MORC2: variants seen among roughly 807,000 people sequenced by gnomAD.
MORC2 encodes the protein MORC family CW-type zinc finger 2.
MORC2 carries 30 observed loss-of-function variants against 136.0 expected under a neutral mutation model. The observed-to-expected ratio is 0.22, with a 90% CI of 0.17 to 0.30. MORC2 has a LOEUF of 0.30. Among genes scored for constraint, MORC2 ranks in the 10% least tolerant of loss-of-function variants. MORC2 has a pLI of 1.00. For synonymous variants in MORC2, 439 were observed against 487.0 expected, an observed-to-expected ratio of 0.90 and a Z score of 1.30; for missense variants, 922 against 1,333.1, an observed-to-expected ratio of 0.69 and a Z score of 4.80.
At chr22:30,964,710 C>A (rs2041099238) in intron 1 of MORC2, among the ~76,000 whole-genome samples, 1 of 152,148 alleles carries the variant, frequency 6.6e-6, no homozygotes, top group Non-Finnish European at 1.5e-5. Context: ...ATTTATTTCC[C>A]AGGCCTGCTG....
At position 30,940,053 on chromosome 22, in the gene MORC2, A is replaced by G; in HGVS notation, c.905-12T>C. ...CGCCTTCTCTTCAGCTGAAACCCAG[A>G]AGAGAACATGGTAAGAAATGCAAAG... is the stretch of plus-strand genomic sequence containing the variant. On this transcript the variant is annotated splice_polypyrimidine_tract_variant and intron_variant, in intron 10 of 25. Coordinates refer to ENST00000397641, the MANE Select transcript of MORC2 (RefSeq NM_001303256.3). 1 of 1,612,882 alleles carries G rather than the reference A, an allele frequency of 6.2e-7. No homozygotes were observed. Among genetic ancestry groups the G allele is most frequent in the Non-Finnish European group, 8.5e-7 (1 of 1,179,816 alleles).
chr22:30,962,594 C>CAAA (rs11317522), intron 1 of MORC2, among the ~76,000 whole-genome samples: 2 of 117,270 alleles, frequency 1.7e-5, no homozygotes, highest in Non-Finnish European at 3.7e-5. Flanking sequence ...GACCCTGTCT[C>CAAA]AAAAAAAAAA....
chr22:30,956,868 G>C lies in MORC2; in HGVS notation c.123-71C>G, dbSNP rs17219880. ...CAACCATCAAAATGCATAGTGATTT[G>C]AGTAGAATGCAGAGTATTTTGAGTC... On this transcript the variant is annotated intron_variant, in intron 2 of 25. Transcript: ENST00000397641. 5.2e-3 allele frequency: 6,395 copies of C among 1,229,260 alleles called. 140 individuals carry two copies. In the East Asian group the frequency reaches 0.055, roughly 11 times the overall value. 76.1% of individuals were successfully genotyped at this position (1,229,260 alleles called of 1,614,324 possible).
chr22:30,939,898 T>G (rs996091667), intron 11 of MORC2, 61 bp downstream of exon 11: 2 of 1,546,800 alleles, frequency 1.3e-6, no homozygotes, highest in Non-Finnish European at 1.8e-6. Flanking sequence ...ACCAGGCTCA[T>G]GGGACATGGG....
At chr22:30,940,483 G>A (rs975683037) in intron 10 of MORC2, among the ~76,000 whole-genome samples, 1 of 152,134 alleles carries the variant, frequency 6.6e-6, no homozygotes, top group African/African-American at 2.4e-5. Context: ...TTGCACCAGA[G>A]AACTCAGTGG....
At chr22:30,943,734 TTTTTA>T (rs1202671505) in intron 6 of MORC2, among the ~76,000 whole-genome samples, 1 of 152,220 alleles carries the variant, frequency 6.6e-6, no homozygotes, top group African/African-American at 2.4e-5. Context: ...TTGCTGGGTT[TTTTTA>T]TTTTATTTTT....
At chr22:30,955,386 C>T (rs879077449) in intron 3 of MORC2, among the ~76,000 whole-genome samples, 16 of 152,166 alleles carry the variant, frequency 1.1e-4, no homozygotes, top group Admixed American at 3.9e-4. Context: ...GAACAAAAGG[C>T]TTTCAGAATT....
Position 30,928,090 on chromosome 22 carries a change from G to T in MORC2, c.2959C>A (p.Leu987Ile). ...TGCAGCTTCTCCTCCGTCTCGCGGAGCTTCCTCTCGGAGGTGCGCAGGCTT... is the reference window on the plus strand; with the variant it reads ...TGCAGCTTCTCCTCCGTCTCGCGGATCTTCCTCTCGGAGGTGCGCAGGCTT... Reference protein sequence around the residue: ...EESLRTSERKLRETEEKLQKL... With the variant: ...EESLRTSERKIRETEEKLQKL... Residue 987 changes from leucine (L) to isoleucine (I), a missense_variant, in exon 25 of 26, where the codon CTC becomes ATC. By Grantham distance (5) the Leu-to-Ile change is conservative. This residue lies in a region of MORC2 where 263 missense variants were observed against 388.3 expected (regional missense o/e 0.68). Coordinates refer to ENST00000397641, the MANE Select transcript of MORC2 (RefSeq NM_001303256.3). 1 of 1,614,154 alleles carries T rather than the reference G, an allele frequency of 6.2e-7. No individual in the cohort carries two copies. Among genetic ancestry groups the T allele is most frequent in the Non-Finnish European group, 8.5e-7 (1 of 1,180,032 alleles).
rs1250360453 is a variant in MORC2 at position 30,926,232 on chromosome 22, TTGGACGCCACAGCCAG to T, written c.*555_*570del. ...ACAGGATCTTTTTCCCTCAAGCTGT[TTGGACGCCACAGCCAG>T]GACCAACTCTGACAGCTGCGAGAGA... On this transcript the variant is annotated 3_prime_UTR_variant, in exon 26 of 26. Coordinates refer to ENST00000397641, the MANE Select transcript of MORC2 (RefSeq NM_001303256.3). 1 of 152,208 alleles carries T rather than the reference TTGGACGCCACAGCCAG, an allele frequency of 6.6e-6. No homozygotes were observed. The highest frequency in any genetic ancestry group is 1.5e-5 in the Non-Finnish European group (1 of 68,110). 9.4% of individuals were successfully genotyped at this position (152,208 alleles called of 1,614,324 possible).
chr22:30,934,250 A>G lies in MORC2; in HGVS notation c.2194-59T>C. The stretch of plus-strand genomic sequence containing the variant: ...CCTGTTCAGCCTCTAAGGAGCAGGA[A>G]GATTTCATCTAGCCTAAAGGAGTCG... On this transcript the variant is annotated intron_variant, in intron 19 of 25. Coordinates refer to ENST00000397641, the MANE Select transcript of MORC2 (RefSeq NM_001303256.3). This position sits in a 1 kb window ranked among gnomAD's most constrained non-coding sequence, Gnocchi z 4.4. 6.2e-7 allele frequency: 1 copy of G among 1,608,986 alleles called. No homozygotes were observed. The highest frequency in any genetic ancestry group is 8.5e-7 in the Non-Finnish European group (1 of 1,177,152).
At chr22:30,942,039 C>A in intron 7 of MORC2, 37 bp from the exon 8 acceptor site, 4 of 1,609,212 alleles carry the variant, frequency 2.5e-6, no homozygotes, top group Non-Finnish European at 3.4e-6. Flanking sequence ...CCAGATCCCC[C>A]GGCCCACCCC....
Position 30,968,073 on chromosome 22 carries a change from G to A in MORC2, c.-184C>T. 2 of 550,494 alleles carry A rather than the reference G, an allele frequency of 3.6e-6. No individual in the cohort carries two copies. The highest frequency in any genetic ancestry group is 6.5e-6 in the Non-Finnish European group (2 of 308,978). 34.1% of individuals were successfully genotyped at this position (550,494 alleles called of 1,614,324 possible). ...ATGTTTAAAACTACAATTTCTTCAAGTGTTTTTTTTTAATCTTCTCAATGA... is the reference window on the plus strand; with the variant it reads ...ATGTTTAAAACTACAATTTCTTCAAATGTTTTTTTTTAATCTTCTCAATGA... On this transcript the variant is annotated 5_prime_UTR_variant, in exon 1 of 26. Coordinates refer to ENST00000397641, the MANE Select transcript of MORC2 (RefSeq NM_001303256.3).
At chr22:30,966,535 G>C (rs1313649287) in intron 1 of MORC2, among the ~76,000 whole-genome samples, 1 of 152,164 alleles carries the variant, frequency 6.6e-6, no homozygotes, top group South Asian at 2.1e-4. Context: ...AGCACTTTGG[G>C]AGGCCAAGGT....
intron 5 of MORC2, 78 bp downstream of exon 5, chr22:30,949,673 GA>G: frequency 1.7e-6 from 2 of 1,210,466 alleles, no homozygotes; most frequent in Non-Finnish European, 2.4e-6. Context: ...CAAGGAGAAG[GA>G]AAGTTTTCAT....
At chr22:30,938,858 C>T (rs886441009) in intron 12 of MORC2, among the ~76,000 whole-genome samples, 12 of 152,292 alleles carry the variant, frequency 7.9e-5, no homozygotes, top group Middle Eastern at 3.4e-3. Flanking sequence ...CGTGAGCCAC[C>T]GTGCCCGGCC....
chr22:30,933,073 A>C, intron 21 of MORC2, 43 bp from the exon 22 acceptor site: 1 of 1,609,072 alleles, frequency 6.2e-7, no homozygotes, highest in Non-Finnish European at 8.5e-7. Flanking sequence ...ACTAGCGTAG[A>C]GTCCCTCACT....
intron 16 of MORC2, 86 bp downstream of exon 16, chr22:30,936,846 T>A (rs1190204042): frequency 7.3e-7 from 1 of 1,365,064 alleles, no homozygotes; most frequent in Admixed American, 1.9e-5. Flanking sequence ...GACAGAGATG[T>A]AAGGTATGTG....
rs1482767240 is a variant in MORC2, at chr22:30,934,655, G to A, written c.2193+126C>T. 7.4e-7 allele frequency: 1 copy of A among 1,352,108 alleles called. No individual in the cohort carries two copies. The highest frequency in any genetic ancestry group is 1.0e-6 in the Non-Finnish European group (1 of 990,396). 83.8% of individuals were successfully genotyped at this position (1,352,108 alleles called of 1,614,324 possible). The stretch of plus-strand genomic sequence containing the variant: ...AGCTATCAAGGCTTCCCGTCCTCAG[G>A]GGCAGCAGCAAAGCTTTAGATTCAG... On this transcript the variant is annotated intron_variant, in intron 19 of 25. Coordinates refer to ENST00000397641, the MANE Select transcript of MORC2 (RefSeq NM_001303256.3). The surrounding 1 kb of genome is among the most constrained non-coding windows in gnomAD (Gnocchi z 4.4).
At position 30,932,227 on chromosome 22, in the gene MORC2, T is replaced by C. The variant is rs2040586130; in HGVS notation, c.2841+132A>G. ...TTCTTTCAGCAGGAGAGAGGCTGGC[T>C]GAGATGGAGCACACAGCTGAGAGCT... is the stretch of plus-strand genomic sequence containing the variant. On this transcript the variant is annotated intron_variant, in intron 24 of 25. Transcript: ENST00000397641. The surrounding 1 kb of genome is among the most constrained non-coding windows in gnomAD (Gnocchi z 4.4). 2.4e-6 allele frequency: 2 copies of C among 826,858 alleles called. No individual in the cohort carries two copies. The highest frequency in any genetic ancestry group is 2.4e-5 in the Admixed American group (1 of 41,864). 51.2% of individuals were successfully genotyped at this position (826,858 alleles called of 1,614,324 possible).
Sources: allele counts gnomAD v4.1 joint callset (sites outside exome capture counted in the v4.1 genomes callset), GRCh38; gene constraint gnomAD v4.1.1; regional missense constraint gnomAD v4.1.1; non-coding constraint Gnocchi (gnomAD v3.1); transcripts MANE v1.5; gene names NCBI Gene and HGNC (gene_info 2026-07-23, HGNC 2026-07-21).